The following PLEKHG4B variants were observed in gnomAD, a reference collection of about 807,000 sequenced individuals.
PLEKHG4B encodes the protein pleckstrin homology domain-containing family G member 4B.
PLEKHG4B carries 111 observed loss-of-function variants against 121.3 expected under a neutral mutation model. The observed-to-expected ratio is 0.92, with a 90% CI of 0.78 to 1.07. The LOEUF (loss-of-function observed/expected upper bound fraction) is 1.07. Ranked by LOEUF, PLEKHG4B falls within the 50% of genes least tolerant of loss-of-function variation. The pLI is 0.00. For synonymous variants in PLEKHG4B, 738 were observed against 725.0 expected (o/e 1.02, Z -0.29); for missense variants, 1,831 against 1,757.8 (o/e 1.04, Z -0.74).
chr5:141,481 G>T (rs1460701998), intron 3 of PLEKHG4B, among the ~76,000 whole-genome samples: 1 of 150,418 alleles, frequency 6.6e-6, no homozygotes, highest in East Asian at 2.1e-4. Context: ...CTCCTCCCCA[G>T]TGCTTCTCTG....
intron 1 of PLEKHG4B, among the ~76,000 whole-genome samples, chr5:110,155 G>GACAA (rs1734099781): frequency 8.2e-6 from 1 of 122,420 alleles, no homozygotes; most frequent in African/African-American, 2.9e-5. Flanking sequence ...CACACATCCA[G>GACAA]TCTGCAACAC....
chr5:179,842 T>A (rs1736876236), intron 18 of PLEKHG4B: 1 of 152,298 alleles, frequency 6.6e-6, no homozygotes, highest in Admixed American at 6.5e-5. Context: ...TTTCCACTCA[T>A]CTTAAAGTTC....
intron 3 of PLEKHG4B, 111 bp downstream of exon 3, chr5:140,827 C>T (rs1735154001): frequency 2.5e-6 from 2 of 813,070 alleles, no homozygotes; most frequent in South Asian, 1.9e-5. Context: ...ACAACCTCCC[C>T]CTGCACACCA....
At chr5:173,808 T>C in intron 17 of PLEKHG4B, 110 bp from the exon 18 acceptor site, 1 of 1,274,074 alleles carries the variant, frequency 7.8e-7, no homozygotes, top group South Asian at 1.5e-5. Context: ...CCCACACATT[T>C]GTCATTTGGT....
At position 156,286 on chromosome 5, in the gene PLEKHG4B, T is replaced by A. The variant is rs1735780240; in HGVS notation, c.2348+76T>A. On this transcript the variant is annotated intron_variant, in intron 10 of 19. Transcript: ENST00000637938. This position sits in a 1 kb window ranked among gnomAD's most constrained non-coding sequence, Gnocchi z 4.4. ...TCGGGGGAGTTTGCACCAGGAGGCG[T>A]AGCGCTCTGCTCCAAGGAGAGCCCC... 2 of 1,310,360 alleles carry A rather than the reference T, an allele frequency of 1.5e-6. No individual in the cohort carries two copies. Among genetic ancestry groups the A allele is most frequent in the African/African-American group, 3.1e-5 (2 of 64,628 alleles). The allele number at this position is 1,310,360 out of a possible 1,614,324, so 81.2% of individuals were successfully genotyped here. A position where few individuals can be genotyped will look rare whatever the true frequency, so the allele number is the denominator to read the frequency against.
chr5:173,165 G>A, intron 17 of PLEKHG4B, 98 bp downstream of exon 17: 1 of 1,255,134 alleles, frequency 8.0e-7, no homozygotes, highest in Admixed American at 2.1e-5. Flanking sequence ...GGAACTGGGA[G>A]GGAGTGAAGC....
intron 2 of PLEKHG4B, among the ~76,000 whole-genome samples, chr5:132,676 T>TG (rs1734813316): frequency 6.6e-6 from 1 of 152,168 alleles, no homozygotes; most frequent in Non-Finnish European, 1.5e-5. Flanking sequence ...ATGTTTTTGT[T>TG]TGCTTTGAGG....
At chr5:142,076 C>CCGCA (rs1441285498) in intron 3 of PLEKHG4B, among the ~76,000 whole-genome samples, 1 of 152,312 alleles carries the variant, frequency 6.6e-6, no homozygotes, top group East Asian at 1.9e-4. Context: ...CCGGAGAGTG[C>CCGCA]CGCACACACA....
chr5:139,855 G>T lies in PLEKHG4B; in HGVS notation c.616G>T (p.Ala206Ser). 1 of 399,196 alleles carries T rather than the reference G, an allele frequency of 2.5e-6. No individual in the cohort carries two copies. Among genetic ancestry groups the T allele is most frequent in the East Asian group, 3.6e-5 (1 of 28,034 alleles). The allele number at this position is 399,196 out of a possible 1,614,324, so 24.7% of individuals were successfully genotyped here. The change falls in exon 3 of 20, where the codon GCC (alanine) becomes TCC (serine). Residue 206 changes from alanine (A) to serine (S), a missense_variant. Coordinates refer to ENST00000637938, the MANE Select transcript of PLEKHG4B (RefSeq NM_052909.5). The surrounding 1 kb of genome is among the most constrained non-coding windows in gnomAD (Gnocchi z 5.0). ...TDPVFVPSPG[A>S]ILQSYSSCTG... The stretch of plus-strand genomic sequence containing the variant: ...CCCTGTCTTTGTCCCCAGCCCTGGA[G>T]CCATCCTGCAGAGCTACTCCAGCTG...
chr5:164,904 G>T (rs1232221239), intron 13 of PLEKHG4B, among the ~76,000 whole-genome samples: 2 of 54,478 alleles, frequency 3.7e-5, no homozygotes, highest in Non-Finnish European at 7.9e-5. Context: ...ACACAGTAAT[G>T]CTGTGACGGG....
Position 140,320 on chromosome 5 carries a change from C to A in PLEKHG4B, c.1081C>A (p.Arg361=), listed in dbSNP as rs1039069776. Residue 361 remains arginine, a synonymous_variant, in exon 3 of 20, where the codon CGG becomes AGG. Transcript: ENST00000637938. ...WFRESYMEAL[R]NPMPLGSSEE... ...CAGGGAGTCGTACATGGAAGCCTTG[C>A]GGAACCCCATGCCCCTGGGCAGCTC... is the stretch of plus-strand genomic sequence containing the variant. 2.3e-5 allele frequency: 35 copies of A among 1,511,960 alleles called. No individual in the cohort carries two copies. In the Admixed American group the frequency reaches 7.5e-4, roughly 32 times the overall value. The allele number at this position is 1,511,960 out of a possible 1,614,324, so 93.7% of individuals were successfully genotyped here.
At position 139,611 on chromosome 5, in the gene PLEKHG4B, G is replaced by T; in HGVS notation, c.372G>T (p.Thr124=). 1 of 398,898 alleles carries T rather than the reference G, an allele frequency of 2.5e-6. No individual in the cohort carries two copies. Among genetic ancestry groups the T allele is most frequent in the Non-Finnish European group, 4.4e-6 (1 of 226,102 alleles). The allele number at this position is 398,898 out of a possible 1,614,324, so 24.7% of individuals were successfully genotyped here. A position where few individuals can be genotyped will look rare whatever the true frequency, so the allele number is the denominator to read the frequency against. Residue 124 remains threonine (T), a synonymous_variant, in exon 3 of 20, where the codon ACG becomes ACT. Transcript: ENST00000637938. The surrounding 1 kb of genome is among the most constrained non-coding windows in gnomAD (Gnocchi z 5.0). ...LQPGDFYLQV[T]SAGKQSARLV... Reference sequence around the variant, plus strand: ...CCGGGGACTTCTACCTGCAGGTCACGTCGGCGGGGAAGCAGTCAGCTAGAC... The same window carrying T: ...CCGGGGACTTCTACCTGCAGGTCACTTCGGCGGGGAAGCAGTCAGCTAGAC...
chr5:158,610 C>T (rs761330668), intron 11 of PLEKHG4B, among the ~76,000 whole-genome samples: 3 of 140,040 alleles, frequency 2.1e-5, no homozygotes, highest in East Asian at 2.3e-4. Context: ...CGTTCTACTC[C>T]GTCCTTGGGG....
At chr5:169,800 C>T (rs1046957944) in intron 14 of PLEKHG4B, among the ~76,000 whole-genome samples, 2 of 152,246 alleles carry the variant, frequency 1.3e-5, no homozygotes, top group Non-Finnish European at 2.9e-5. Context: ...GTGCTTTGCG[C>T]GTGGTGTGAC....
At position 182,619 on chromosome 5, in the gene PLEKHG4B, G is replaced by A; in HGVS notation, c.*296G>A. ...AAAGACTAAACATGAAACAAAAGAT[G>A]TCAAGACACAAGACATTTGGCAACA... On this transcript the variant is annotated 3_prime_UTR_variant, in exon 20 of 20. Transcript: ENST00000637938. The A allele has an allele frequency of 2.6e-6, 1 of 384,732 alleles. No homozygotes were observed. Among genetic ancestry groups the A allele is most frequent in the Non-Finnish European group, 4.8e-6 (1 of 210,202 alleles). 23.8% of individuals were successfully genotyped at this position (384,732 alleles called of 1,614,324 possible). A position where few individuals can be genotyped will look rare whatever the true frequency, so the allele number is the denominator to read the frequency against.
At chr5:149,625 G>C (rs969930160) in intron 6 of PLEKHG4B, among the ~76,000 whole-genome samples, 1 of 152,178 alleles carries the variant, frequency 6.6e-6, no homozygotes, top group African/African-American at 2.4e-5. Flanking sequence ...TTATGTATCT[G>C]ATAGGAGGTT....
rs1008800933 is a variant in PLEKHG4B at position 171,233 on chromosome 5, G to A, written c.3839G>A (p.Gly1280Asp). ...TTGCAGGACAAGCAGCGGGAGCTAG[G>A]TGACAAAATGGACCTGGCCTCCTAC... ...AFFKDKQREL[G>D]DKMDLASYLL... is the part of the protein sequence containing the mutation. The change falls in exon 16 of 20, where the codon GGT becomes GAT. Residue 1280 changes from glycine (G) to aspartate (D), a missense_variant. Gly to Asp is a moderately conservative substitution (Grantham distance 94). Transcript: ENST00000637938. The A allele has an allele frequency of 1.2e-6, 2 of 1,606,350 alleles. No individual in the cohort carries two copies. Among genetic ancestry groups the A allele is most frequent in the South Asian group, 2.2e-5 (2 of 90,544 alleles).
chr5:175,644 T>C (rs1332462415), intron 18 of PLEKHG4B, among the ~76,000 whole-genome samples: 2 of 95,400 alleles, frequency 2.1e-5, no homozygotes, highest in Non-Finnish European at 4.2e-5. Context: ...CCAGGGCTCC[T>C]GCACGGCTGC....
intron 13 of PLEKHG4B, among the ~76,000 whole-genome samples, chr5:167,848 A>G (rs1017020417): frequency 6.6e-6 from 1 of 152,224 alleles, no homozygotes; most frequent in African/African-American, 2.4e-5. Flanking sequence ...AGCGTCCTGC[A>G]TTTGTTTATG....
Sources: allele counts gnomAD v4.1 joint callset (sites outside exome capture counted in the v4.1 genomes callset), GRCh38; gene constraint gnomAD v4.1.1; non-coding constraint Gnocchi (gnomAD v3.1); transcripts MANE v1.5; gene names NCBI Gene and HGNC (gene_info 2026-07-23, HGNC 2026-07-21).